Variants in MYO6 observed in about 807,000 individuals in gnomAD.
MYO6 encodes the protein myosin VI.
MYO6 carries 74 observed loss-of-function variants against 178.7 expected under a neutral mutation model. That is an observed-to-expected ratio of 0.41 (90% CI 0.34 to 0.50). The LOEUF (loss-of-function observed/expected upper bound fraction) is 0.50. Ranked by LOEUF, MYO6 falls within the 20% of genes least tolerant of loss-of-function variation. The pLI, the probability that MYO6 is intolerant of heterozygous loss-of-function variation, is 0.09. For missense variants in MYO6, 1,330 were observed against 1,547.4 expected, an observed-to-expected ratio of 0.86 and a Z score of 2.36; for synonymous variants, 477 against 504.6, an observed-to-expected ratio of 0.95 and a Z score of 0.73.
At chr6:75,881,941 C>T in intron 23 of MYO6, 123 bp downstream of exon 23, 1 of 1,110,784 alleles carries the variant, frequency 9.0e-7, no homozygotes, top group Non-Finnish European at 1.3e-6. Flanking sequence ...ACACTGGGTC[C>T]CAGGTTCCTA....
intron 1 of MYO6, among the ~76,000 whole-genome samples, chr6:75,785,631 G>A (rs1034481981): frequency 1.3e-5 from 2 of 150,886 alleles, no homozygotes; most frequent in African/African-American, 4.9e-5. Context: ...TGGCTTTTGC[G>A]TTCTGTTAAT....
intron 25 of MYO6, among the ~76,000 whole-genome samples, chr6:75,888,874 T>TC (rs1449961203): frequency 1.3e-5 from 2 of 152,202 alleles, no homozygotes; most frequent in African/African-American, 4.8e-5. Flanking sequence ...CAATTTCCTC[T>TC]CCAATTTTGT....
chr6:75,776,397 A>G (rs1350428372), intron 1 of MYO6, among the ~76,000 whole-genome samples: 2 of 152,218 alleles, frequency 1.3e-5, no homozygotes, highest in African/African-American at 2.4e-5. Context: ...ATTAGCAGCA[A>G]TGGTTAGAAA....
chr6:75,866,987 T>C lies in MYO6; in HGVS notation c.1826T>C (p.Ile609Thr), dbSNP rs751446426. The stretch of plus-strand genomic sequence containing the variant: ...TTACATATGTCTCTTGAATCCTTAA[T>C]ATGTGAATCCAGAGATAAGTTTATA... ...DALHMSLESLICESRDKFIRE... is the reference protein window; with the variant it reads ...DALHMSLESLTCESRDKFIRE... The change falls in exon 18 of 35, where the codon ATA becomes ACA. Residue 609 changes from isoleucine (I) to threonine (T), a missense_variant. Transcript: ENST00000369977. 1 of 1,613,940 alleles carries C rather than the reference T, an allele frequency of 6.2e-7. No individual in the cohort carries two copies. Among genetic ancestry groups the C allele is most frequent in the Non-Finnish European group, 8.5e-7 (1 of 1,179,852 alleles).
In MYO6 at chr6:75,861,605, C is replaced by G. The variant is rs146439381; in HGVS notation, c.1546+510C>G. Among the ~76,000 whole-genome samples, 40 of 152,308 alleles carry G rather than the reference C, an allele frequency of 2.6e-4. No individual in the cohort carries two copies. The East Asian group carries it at 6.4e-3, about 24-fold the overall frequency. ...TGCTTTCATTTTAGTGGTAAAGAAA[C>G]CTTTCCCTATAGCCGCACAGCCAGT... On this transcript the variant is annotated intron_variant, in intron 15 of 34. Coordinates refer to ENST00000369977, the MANE Select transcript of MYO6 (RefSeq NM_004999.4).
chr6:75,836,937 C>G (rs767518917), intron 7 of MYO6, among the ~76,000 whole-genome samples: 1 of 152,218 alleles, frequency 6.6e-6, no homozygotes, highest in Non-Finnish European at 1.5e-5. Context: ...CTCTCAACAT[C>G]ATGCCCTAGA....
chr6:75,764,814 A>G (rs1401243801), intron 1 of MYO6, among the ~76,000 whole-genome samples: 1 of 152,084 alleles, frequency 6.6e-6, no homozygotes, highest in Non-Finnish European at 1.5e-5. Flanking sequence ...CCTAGCCAAC[A>G]TGGTAAAACC....
At position 75,817,076 on chromosome 6, in the gene MYO6, C is replaced by A. The variant is rs527902862; in HGVS notation, c.-47-425C>A. Among the ~76,000 whole-genome samples, 6 of 152,212 alleles carry A rather than the reference C, an allele frequency of 3.9e-5. No individual in the cohort carries two copies. In the East Asian group the frequency reaches 9.7e-4, roughly 25 times the overall value. ...ATCCCAGCACTTTGGGAGGCCGAGG[C>A]AGGCGGATCACGAGGTCAGGAGATC... On this transcript the variant is annotated intron_variant, in intron 1 of 34. Transcript: ENST00000369977.
At chr6:75,836,647 A>G (rs952401686) in intron 7 of MYO6, among the ~76,000 whole-genome samples, 1 of 145,966 alleles carries the variant, frequency 6.9e-6, no homozygotes, top group African/African-American at 2.6e-5. Flanking sequence ...CAGTGGCTTG[A>G]TCTTGGCTCA....
intron 30 of MYO6, among the ~76,000 whole-genome samples, chr6:75,901,825 A>C (rs1285659982): frequency 1.3e-5 from 2 of 152,122 alleles, no homozygotes; most frequent in African/African-American, 2.4e-5. Context: ...GAATGCTTCC[A>C]GTTTTTGCCC....
intron 22 of MYO6, among the ~76,000 whole-genome samples, 176 bp from the exon 23 acceptor site, chr6:75,881,513 C>G (rs1778025509): frequency 6.7e-6 from 1 of 148,960 alleles, no homozygotes; most frequent in Admixed American, 6.8e-5. Flanking sequence ...AGAAAGGAAG[C>G]AAAACGTGGC....
At chr6:75,895,125 T>G in intron 28 of MYO6, 106 bp from the exon 29 acceptor site, 2 of 833,664 alleles carry the variant, frequency 2.4e-6, no homozygotes, top group South Asian at 1.7e-5. Flanking sequence ...AATAATTGAG[T>G]TTTTAAAATC....
At chr6:75,863,106 A>G (rs62414791) in intron 16 of MYO6, among the ~76,000 whole-genome samples, 34,595 of 151,976 alleles carry the variant, frequency 0.23, 5,129 homozygotes, top group Middle Eastern at 0.39. Context: ...ATAAAAGTAC[A>G]ATGAGAATTA....
intron 4 of MYO6, 84 bp from the exon 5 acceptor site, chr6:75,830,332 T>C (rs1772952738): frequency 7.5e-7 from 1 of 1,324,742 alleles, no homozygotes; most frequent in Admixed American, 1.8e-5. Context: ...AAATTTTTTG[T>C]ATTTTATTTT....
intron 22 of MYO6, among the ~76,000 whole-genome samples, chr6:75,881,250 G>A (rs1778000018): frequency 6.6e-6 from 1 of 152,084 alleles, no homozygotes. Context: ...ATGGGAGTTA[G>A]GAGAGACAGA....
At chr6:75,866,668 C>T (rs1490961153) in intron 17 of MYO6, 47 bp downstream of exon 17, 4 of 1,438,842 alleles carry the variant, frequency 2.8e-6, no homozygotes, top group Non-Finnish European at 3.9e-6. Context: ...GTTGAAGCTG[C>T]ACTGTACAGT....
intron 1 of MYO6, among the ~76,000 whole-genome samples, chr6:75,790,135 A>G (rs1207878787): frequency 6.6e-6 from 1 of 152,206 alleles, no homozygotes; most frequent in Non-Finnish European, 1.5e-5. Flanking sequence ...TGAGTCTTGT[A>G]TAAATAAACT....
At chr6:75,781,917 CAAAAAAAAAAAA>C (rs10584481) in intron 1 of MYO6, among the ~76,000 whole-genome samples, 1 of 44,658 alleles carries the variant, frequency 2.2e-5, no homozygotes, top group Non-Finnish European at 4.4e-5. Flanking sequence ...GACTCCATCT[CAAAAAAAAAAAA>C]AAAAAAAAAA....
chr6:75,826,206 A>G (rs771024516), intron 3 of MYO6, among the ~76,000 whole-genome samples: 1 of 152,198 alleles, frequency 6.6e-6, no homozygotes, highest in Admixed American at 6.5e-5. Context: ...CAGGGTTGCA[A>G]ATATTTTCCT....
Sources: allele counts gnomAD v4.1 joint callset (sites outside exome capture counted in the v4.1 genomes callset), GRCh38; gene constraint gnomAD v4.1.1; transcripts MANE v1.5; gene names NCBI Gene and HGNC (gene_info 2026-07-23, HGNC 2026-07-21).